SHANK2: variants seen among roughly 807,000 people sequenced by gnomAD.
The protein encoded by SHANK2 is SH3 and multiple ankyrin repeat domains protein 2.
In SHANK2, 43 loss-of-function variants were observed where a neutral mutation model predicts 133.7. The ratio of observed to expected loss-of-function variants is 0.32; its 90% confidence interval spans 0.25 to 0.41. The LOEUF (loss-of-function observed/expected upper bound fraction) is 0.41, where lower values mean the gene tolerates loss of function less well. Ranked by LOEUF, SHANK2 falls within the 10% of genes least tolerant of loss-of-function variation. The pLI, the probability that SHANK2 is intolerant of heterozygous loss-of-function variation, is 1.00. For synonymous variants in SHANK2, 1,017 were observed against 952.8 expected (o/e 1.07, Z -1.24); for missense variants, 1,994 against 2,235.8 (o/e 0.89, Z 2.18).
intron 2 of SHANK2, among the ~76,000 whole-genome samples, chr11:71,214,161 C>T (rs1343085807): frequency 6.6e-6 from 1 of 152,188 alleles, no homozygotes; most frequent in African/African-American, 2.4e-5. Flanking sequence ...CCTGACCAAA[C>T]CCTGGGGCTT....
chr11:70,821,623 C>T (rs1466135672), intron 11 of SHANK2, among the ~76,000 whole-genome samples: 1 of 152,114 alleles, frequency 6.6e-6, no homozygotes, highest in Non-Finnish European at 1.5e-5. Context: ...TGAGGTTTCA[C>T]CATGTTGGCC....
rs533584481 is a variant in SHANK2 at position 71,135,745 on chromosome 11, C to T, written c.207+11375G>A. Among the ~76,000 whole-genome samples, 273 of 152,170 alleles carry T rather than the reference C, an allele frequency of 1.8e-3. 2 individuals are homozygous for T. The highest frequency in any genetic ancestry group is 6.2e-3 in the African/African-American group (257 of 41,538). On this transcript the variant is annotated intron_variant, in intron 3 of 25. Transcript: ENST00000601538. Reference sequence around the variant, plus strand: ...TGCTGGGATTACAGGCATGAGCCACCGTGCCCAGCCGGGGAGGACCTGATT... The same window carrying T: ...TGCTGGGATTACAGGCATGAGCCACTGTGCCCAGCCGGGGAGGACCTGATT...
In SHANK2 at chr11:71,217,271, C is replaced by T. The variant is rs565222470; in HGVS notation, c.-13+7426G>A. On this transcript the variant is annotated intron_variant, in intron 2 of 25. Coordinates refer to ENST00000601538, the MANE Select transcript of SHANK2 (RefSeq NM_012309.5). ...CTGTAATCCCAGCACTTCGGGATGCCAAGGCAGGTGGATCACTTGAGGTGA... is the reference window on the plus strand; with the variant it reads ...CTGTAATCCCAGCACTTCGGGATGCTAAGGCAGGTGGATCACTTGAGGTGA... 6.6e-5 allele frequency among the ~76,000 whole-genome samples: 10 copies of T among 151,808 alleles called. No homozygotes were observed. The East Asian group carries it at 1.4e-3, about 21-fold the overall frequency.
chr11:70,843,118 A>C (rs1448599257), intron 11 of SHANK2, among the ~76,000 whole-genome samples: 1 of 152,102 alleles, frequency 6.6e-6, no homozygotes, highest in African/African-American at 2.4e-5. Context: ...CTGAGGCTGG[A>C]AGGTACAGGT....
chr11:71,210,210 GTATATATATATATATATATATA>G (rs71049962), intron 2 of SHANK2, among the ~76,000 whole-genome samples: 16,086 of 54,264 alleles, frequency 0.3, 2,286 homozygotes, highest in South Asian at 0.51. Flanking sequence ...AAATCCACAG[GTATATATATATATATATATATA>G]TATATATATA....
intron 25 of SHANK2, among the ~76,000 whole-genome samples, chr11:70,475,648 C>G (rs1212102000): frequency 6.6e-6 from 1 of 152,208 alleles, no homozygotes; most frequent in East Asian, 1.9e-4. Context: ...GTGCTGTGGA[C>G]TGAGGCTTCA....
At chr11:70,810,495 C>A (rs1184308791) in intron 12 of SHANK2, among the ~76,000 whole-genome samples, 3 of 152,226 alleles carry the variant, frequency 2.0e-5, no homozygotes, top group African/African-American at 7.2e-5. Flanking sequence ...GAATACAGCA[C>A]CCCAGGGTCA....
intron 1 of SHANK2, among the ~76,000 whole-genome samples, chr11:71,249,438 G>A (rs568302866): frequency 2.6e-5 from 4 of 152,112 alleles, no homozygotes; most frequent in South Asian, 2.1e-4. Context: ...GGCTGTGCGC[G>A]TCCATTTCCA....
intron 2 of SHANK2, among the ~76,000 whole-genome samples, chr11:71,211,246 A>T (rs1380286216): frequency 1.4e-5 from 2 of 141,922 alleles, no homozygotes; most frequent in African/African-American, 5.3e-5. Flanking sequence ...AAATTTACAC[A>T]TCATCGAATT....
At chr11:71,144,948 G>A (rs1394596874) in intron 3 of SHANK2, among the ~76,000 whole-genome samples, 1 of 152,244 alleles carries the variant, frequency 6.6e-6, no homozygotes, top group African/African-American at 2.4e-5. Context: ...GGACGTGTCG[G>A]AACAGGGCTC....
intron 8 of SHANK2, among the ~76,000 whole-genome samples, chr11:71,077,817 C>A (rs1376616619): frequency 6.6e-6 from 1 of 152,144 alleles, no homozygotes; most frequent in Admixed American, 6.5e-5. Context: ...GGGAGCTGGG[C>A]TCTCACTGTC....
rs1400865975 is a variant in SHANK2, at chr11:70,479,525, T to A, written c.4979+5789A>T. Among the ~76,000 whole-genome samples the A allele has an allele frequency of 5.9e-5, 9 of 152,130 alleles. No individual in the cohort carries two copies. The highest frequency in any genetic ancestry group is 1.2e-4 in the Non-Finnish European group (8 of 68,012). ...GACCTGGAGTTTCACAGGACAAATC[T>A]CCCTGAAGCCCATCCATCCCATGGG... On this transcript the variant is annotated intron_variant, in intron 25 of 25. Coordinates refer to ENST00000601538, the MANE Select transcript of SHANK2 (RefSeq NM_012309.5). This position sits in a 1 kb window ranked among gnomAD's most constrained non-coding sequence, Gnocchi z 4.4.
intron 3 of SHANK2, among the ~76,000 whole-genome samples, chr11:71,125,090 C>G (rs1346128062): frequency 6.6e-6 from 1 of 152,122 alleles, no homozygotes; most frequent in Non-Finnish European, 1.5e-5. Context: ...GTTCCACTGA[C>G]CAGCTATTCT....
intron 15 of SHANK2, among the ~76,000 whole-genome samples, chr11:70,691,852 C>A (rs782497723): frequency 1.3e-5 from 2 of 152,116 alleles, no homozygotes; most frequent in Non-Finnish European, 2.9e-5. Flanking sequence ...TGAGAGCATG[C>A]CATTGCACTC....
At chr11:70,647,493 G>A (rs550288560) in intron 17 of SHANK2, 1 of 152,346 alleles carries the variant, frequency 6.6e-6, no homozygotes, top group East Asian at 1.9e-4. Context: ...GTGGGTATGT[G>A]AGTCCCCACT....
chr11:71,237,988 G>C (rs1343141764), intron 1 of SHANK2, among the ~76,000 whole-genome samples: 1 of 152,214 alleles, frequency 6.6e-6, no homozygotes, highest in Admixed American at 6.5e-5. Context: ...GGCTCTCCCT[G>C]TGACACACAG....
chr11:70,603,462 A>C (rs2060527469), intron 17 of SHANK2: 1 of 152,298 alleles, frequency 6.6e-6, no homozygotes, highest in Admixed American at 6.5e-5. Flanking sequence ...GACCCTGTCC[A>C]GCAGCTGGTC....
At chr11:70,676,204 G>A (rs1244173883) in intron 15 of SHANK2, among the ~76,000 whole-genome samples, 1 of 152,234 alleles carries the variant, frequency 6.6e-6, no homozygotes, top group Non-Finnish European at 1.5e-5. Context: ...CACAGACTCT[G>A]GCACTCTTCC....
intron 17 of SHANK2, among the ~76,000 whole-genome samples, chr11:70,626,052 C>T (rs563941443): frequency 6.6e-6 from 1 of 152,074 alleles, no homozygotes; most frequent in Admixed American, 6.5e-5. Flanking sequence ...CACTCCCAGG[C>T]AGCCTCCGTC....
Sources: allele counts gnomAD v4.1 joint callset (sites outside exome capture counted in the v4.1 genomes callset), GRCh38; gene constraint gnomAD v4.1.1; non-coding constraint Gnocchi (gnomAD v3.1); transcripts MANE v1.5; gene names NCBI Gene and HGNC (gene_info 2026-07-23, HGNC 2026-07-21).